TXNDC11: variants seen among roughly 807,000 people sequenced by gnomAD.
The protein encoded by TXNDC11 is thioredoxin domain containing 11.
A neutral mutation model predicts 78.0 loss-of-function variants in TXNDC11; 68 were observed. The observed-to-expected ratio is 0.87, with a 90% CI of 0.72 to 1.07. The LOEUF is 1.07. TXNDC11 is among the 50% of genes least tolerant of loss of function. The probability of loss-of-function intolerance (pLI) is 0.00; values close to 1 mark genes in which losing one functional copy is unlikely to be tolerated. For missense variants in TXNDC11, 1,389 were observed against 1,221.8 expected, an observed-to-expected ratio of 1.14 and a Z score of -2.04; for synonymous variants, 571 against 495.2, an observed-to-expected ratio of 1.15 and a Z score of -2.03.
chr16:11,705,061 A>AT (rs1286813765), intron 5 of TXNDC11, among the ~76,000 whole-genome samples: 2 of 151,760 alleles, frequency 1.3e-5, no homozygotes, highest in Non-Finnish European at 2.9e-5. Context: ...TGTCCAGCTA[A>AT]TTTTTCTGTA....
At chr16:11,708,441 T>C (rs1266265922) in intron 5 of TXNDC11, among the ~76,000 whole-genome samples, 1 of 152,130 alleles carries the variant, frequency 6.6e-6, no homozygotes, top group Non-Finnish European at 1.5e-5. Context: ...CTATAGTAAA[T>C]AGCACTTGGT....
Position 11,688,358 on chromosome 16 carries a change from T to G in TXNDC11, c.1988A>C (p.His663Pro), listed in dbSNP as rs771521557. 1 of 1,614,198 alleles carries G rather than the reference T, an allele frequency of 6.2e-7. No homozygotes were observed. The highest frequency in any genetic ancestry group is 1.1e-5 in the South Asian group (1 of 91,090). The change falls in exon 9 of 12, where the codon CAT (histidine) becomes CCT (proline). Residue 663 changes from histidine to proline, a missense_variant. Transcript: ENST00000283033. ...ATCAGTTGTCACTTCAGTGATTAAA[T>G]GCTGAGACGGGAACTGGGCAGAGCC... is the stretch of plus-strand genomic sequence containing the variant. ...GSGSAQFPSQ[H>P]LITEVTTDTF...
intron 3 of TXNDC11, 80 bp downstream of exon 3, chr16:11,733,902 T>C (rs2052133291): frequency 2.0e-6 from 2 of 976,192 alleles, no homozygotes; most frequent in South Asian, 2.8e-5. Context: ...TCTAATACTT[T>C]AATATAGAAA....
chr16:11,682,310 C>A (rs1006086616), intron 11 of TXNDC11, among the ~76,000 whole-genome samples: 1 of 152,228 alleles, frequency 6.6e-6, no homozygotes, highest in Non-Finnish European at 1.5e-5. Context: ...AGCCATAAAG[C>A]TTTGGTTTAC....
chr16:11,700,385 G>A (rs1051606318), intron 6 of TXNDC11, 67 bp downstream of exon 6: 5 of 703,190 alleles, frequency 7.1e-6, no homozygotes, highest in Non-Finnish European at 9.8e-6. Flanking sequence ...AATTCTCAAA[G>A]GAGTCTGTGA....
At chr16:11,717,709 T>G (rs1172309272) in intron 5 of TXNDC11, among the ~76,000 whole-genome samples, 1 of 149,686 alleles carries the variant, frequency 6.7e-6, no homozygotes, top group East Asian at 2.0e-4. Context: ...TAATCCCAGC[T>G]ACTCGGGAGG....
Position 11,700,432 on chromosome 16 carries a change from C to T in TXNDC11, c.906+20G>A, listed in dbSNP as rs367712360. 51 of 1,226,854 alleles carry T rather than the reference C, an allele frequency of 4.2e-5. No individual in the cohort carries two copies. Among genetic ancestry groups the T allele is most frequent in the African/African-American group, 2.8e-4 (19 of 66,874 alleles). The allele number at this position is 1,226,854 out of a possible 1,614,324, so 76.0% of individuals were successfully genotyped here. The stretch of plus-strand genomic sequence containing the variant: ...TTAAGAACCACTGCGCTAACATAAA[C>T]GTGATTTCAAAATACTTACAAGTGA... On this transcript the variant is annotated intron_variant, in intron 6 of 11. Coordinates refer to ENST00000283033, the MANE Select transcript of TXNDC11 (RefSeq NM_015914.7).
At chr16:11,686,851 T>C (rs958701534) in intron 10 of TXNDC11, among the ~76,000 whole-genome samples, 1 of 152,228 alleles carries the variant, frequency 6.6e-6, no homozygotes, top group Non-Finnish European at 1.5e-5. Flanking sequence ...TGGCCCCTCA[T>C]TTGCAGCTTG....
chr16:11,679,982 T>C lies in TXNDC11; in HGVS notation c.2235-145A>G. 1 of 728,334 alleles carries C rather than the reference T, an allele frequency of 1.4e-6. No individual in the cohort carries two copies. Among genetic ancestry groups the C allele is most frequent in the Admixed American group, 2.9e-5 (1 of 34,220 alleles). The allele number at this position is 728,334 out of a possible 1,614,324, so 45.1% of individuals were successfully genotyped here. The stretch of plus-strand genomic sequence containing the variant: ...TTACTTACTGAAAGTAAGGAAAATG[T>C]TGCCTGGGCAAGAAATTCTCTACAA... On this transcript the variant is annotated intron_variant, in intron 11 of 11. Coordinates refer to ENST00000283033, the MANE Select transcript of TXNDC11 (RefSeq NM_015914.7). The surrounding 1 kb of genome is among the most constrained non-coding windows in gnomAD (Gnocchi z 4.6).
At chr16:11,688,527 A>G in intron 8 of TXNDC11, 82 bp from the exon 9 acceptor site, 1 of 1,213,126 alleles carries the variant, frequency 8.2e-7, no homozygotes, top group Middle Eastern at 2.8e-4. Context: ...CCACATTTTA[A>G]AAACTCAAAT....
Position 11,687,941 on chromosome 16 carries a change from G to A in TXNDC11, c.2069C>T (p.Pro690Leu), listed in dbSNP as rs751752980. The A allele has an allele frequency of 7.4e-6, 12 of 1,613,642 alleles. No homozygotes were observed. The highest frequency in any genetic ancestry group is 1.6e-4 in the Middle Eastern group (1 of 6,084). The change falls in exon 10 of 12, where the codon CCG (proline) becomes CTG (leucine). Residue 690 changes from proline (P) to leucine (L), a missense_variant. By Grantham distance (98) the Pro-to-Leu change is moderately conservative (BLOSUM62 -3). Transcript: ENST00000283033. ...GAGGGATGGACAGAAGCCGCACCAC[G>A]GAGCGTAATAGAGCAGGAGAACGTC... ...KQDVLLLYYA[P>L]WCGFCPSLNH...
intron 7 of TXNDC11, among the ~76,000 whole-genome samples, chr16:11,695,205 G>T (rs1285948678): frequency 6.6e-6 from 1 of 152,210 alleles, no homozygotes; most frequent in African/African-American, 2.4e-5. Flanking sequence ...GTCAGGATCT[G>T]TACTTTTGCA....
At chr16:11,720,647 C>A (rs2051675543) in intron 5 of TXNDC11, among the ~76,000 whole-genome samples, 1 of 151,942 alleles carries the variant, frequency 6.6e-6, no homozygotes, top group African/African-American at 2.4e-5. Context: ...GAACTCCTGA[C>A]CTCAGGTGAT....
intron 4 of TXNDC11, among the ~76,000 whole-genome samples, chr16:11,727,213 TC>T (rs2051908991): frequency 2.0e-5 from 3 of 152,126 alleles, no homozygotes; most frequent in African/African-American, 7.2e-5. Flanking sequence ...TCTTTTTTTT[TC>T]CTTCCTTAAA....
chr16:11,714,457 G>A (rs1430055336), intron 5 of TXNDC11, among the ~76,000 whole-genome samples: 2 of 152,164 alleles, frequency 1.3e-5, no homozygotes, highest in African/African-American at 4.8e-5. Context: ...GGCGAAAACG[G>A]TGAAACCCCG....
rs1388034405 is a variant in TXNDC11, at chr16:11,737,842, T to C, written c.255-1609A>G. On this transcript the variant is annotated intron_variant, in intron 1 of 11. Coordinates refer to ENST00000283033, the MANE Select transcript of TXNDC11 (RefSeq NM_015914.7). ...CTCAGCCTCGGCAACAGAGCGAGAC[T>C]ACGTCTCTCAAAAAAAAAAAAAAAA... 5.8e-5 allele frequency among the ~76,000 whole-genome samples: 7 copies of C among 120,924 alleles called. 1 individual carries two copies. In the East Asian group the frequency reaches 9.6e-4, roughly 17 times the overall value. 79.3% of individuals were successfully genotyped at this position (120,924 alleles called of 152,430 possible). A position where few individuals can be genotyped will look rare whatever the true frequency, so the allele number is the denominator to read the frequency against.
At chr16:11,718,709 GATTA>G (rs1056848813) in intron 5 of TXNDC11, among the ~76,000 whole-genome samples, 2 of 152,088 alleles carry the variant, frequency 1.3e-5, no homozygotes, top group Non-Finnish European at 2.9e-5. Context: ...GGGTGAAAAG[GATTA>G]ATTAGAATTA....
At chr16:11,703,353 T>G (rs1342916257) in intron 5 of TXNDC11, among the ~76,000 whole-genome samples, 1 of 152,216 alleles carries the variant, frequency 6.6e-6, no homozygotes, top group Non-Finnish European at 1.5e-5. Context: ...AACTATGAAC[T>G]TATTTACTTC....
intron 11 of TXNDC11, among the ~76,000 whole-genome samples, chr16:11,680,222 G>A (rs2050387780): frequency 6.6e-6 from 1 of 151,770 alleles, no homozygotes; most frequent in Non-Finnish European, 1.5e-5. Flanking sequence ...TCCAGGGGAG[G>A]CAGGAGTGTC....
Sources: gnomAD v4.1 joint callset for allele counts (sites outside exome capture counted in the v4.1 genomes callset) on GRCh38, gnomAD v4.1.1 for gene constraint, Gnocchi (gnomAD v3.1) non-coding constraint, MANE v1.5 for transcripts, NCBI Gene and HGNC (gene_info 2026-07-23, HGNC 2026-07-21) for gene names.